The following EPHB2 variants were observed in gnomAD, a reference collection of about 807,000 sequenced individuals.
EPHB2 encodes EPH receptor B2, also known as ephrin type-B receptor 2.
A neutral mutation model predicts 96.4 loss-of-function variants in EPHB2; 18 were observed. The observed-to-expected ratio is 0.19, with a 90% CI of 0.13 to 0.28. The LOEUF is 0.28. Ranked by LOEUF, EPHB2 falls within the 10% of genes least tolerant of loss-of-function variation. EPHB2 has a pLI of 1.00. For synonymous variants in EPHB2, 506 were observed against 534.1 expected, an observed-to-expected ratio of 0.95 and a Z score of 0.72; for missense variants, 989 against 1,355.4, an observed-to-expected ratio of 0.73 and a Z score of 4.25.
chr1:22,869,354 G>A (rs902095649), intron 5 of EPHB2, among the ~76,000 whole-genome samples: 29 of 152,104 alleles, frequency 1.9e-4, no homozygotes, highest in African/African-American at 6.3e-4. Context: ...CTGCCCTTGA[G>A]GATGTATGTC....
chr1:22,738,357 T>C (rs1643867847), intron 1 of EPHB2, among the ~76,000 whole-genome samples: 3 of 152,232 alleles, frequency 2.0e-5, no homozygotes, highest in African/African-American at 7.2e-5. Context: ...GTAGTGATGA[T>C]AGTCATGAGA....
In EPHB2 at chr1:22,766,745, G is replaced by A. The variant is rs564653411; in HGVS notation, c.62-14676G>A. On this transcript the variant is annotated intron_variant, in intron 1 of 15. Coordinates refer to ENST00000374630, the MANE Select transcript of EPHB2 (RefSeq NM_017449.5). ...TGCGAGCCAGCGTGGTGAGATGCTT[G>A]AGGTTCCGGGTCCAATTTGCCCTTT... Among the ~76,000 whole-genome samples, 32 of 152,310 alleles carry A rather than the reference G, an allele frequency of 2.1e-4. No homozygotes were observed. In the East Asian group the frequency reaches 5.8e-3, roughly 28 times the overall value.
At chr1:22,764,179 C>T (rs1020370954) in intron 1 of EPHB2, among the ~76,000 whole-genome samples, 2 of 152,198 alleles carry the variant, frequency 1.3e-5, no homozygotes, top group Non-Finnish European at 2.9e-5. Flanking sequence ...GTCTGCTCAG[C>T]CTGGCCCGAG....
intron 1 of EPHB2, among the ~76,000 whole-genome samples, chr1:22,743,706 C>G (rs1643931606): frequency 6.6e-6 from 1 of 152,342 alleles, no homozygotes; most frequent in South Asian, 2.1e-4. Flanking sequence ...CTCCTGGCCT[C>G]AAGTGATCTC....
chr1:22,899,135 G>A (rs1310338027), intron 9 of EPHB2, among the ~76,000 whole-genome samples: 8 of 150,658 alleles, frequency 5.3e-5, no homozygotes, highest in African/African-American at 2.0e-4. Context: ...AGAGATTGTG[G>A]TGAGCCGAGA....
At chr1:22,776,301 A>T (rs1644452270) in intron 1 of EPHB2, among the ~76,000 whole-genome samples, 1 of 152,154 alleles carries the variant, frequency 6.6e-6, no homozygotes, top group African/African-American at 2.4e-5. Context: ...TTAAGCCTCC[A>T]TGCAGGCGTC....
chr1:22,761,643 C>T (rs899958843), intron 1 of EPHB2, among the ~76,000 whole-genome samples: 11 of 152,190 alleles, frequency 7.2e-5, no homozygotes, highest in African/African-American at 2.7e-4. Context: ...AGATAATTCC[C>T]TAGAGCTAAC....
chr1:22,719,197 A>G (rs914482882), intron 1 of EPHB2, among the ~76,000 whole-genome samples: 8 of 152,118 alleles, frequency 5.3e-5, no homozygotes, highest in Non-Finnish European at 1.2e-4. Flanking sequence ...TCCAAATACA[A>G]TAGCTCATCA....
chr1:22,882,320 C>T (rs1639074668), intron 5 of EPHB2, 39 bp from the exon 6 acceptor site: 1 of 1,611,076 alleles, frequency 6.2e-7, no homozygotes, highest in Admixed American at 1.7e-5. Context: ...TGCACCTTCT[C>T]ATGCCTCCCT....
At chr1:22,727,783 TAAAAAAAAAAAACAA>T (rs1643614294) in intron 1 of EPHB2, among the ~76,000 whole-genome samples, 1 of 124,306 alleles carries the variant, frequency 8.0e-6, no homozygotes, top group Non-Finnish European at 1.7e-5. Context: ...TTCTTTTCTT[TAAAAAAAAAAAACAA>T]AAAAAAAAAA....
chr1:22,861,842 G>T (rs1024106119), intron 3 of EPHB2, among the ~76,000 whole-genome samples: 1 of 152,232 alleles, frequency 6.6e-6, no homozygotes, highest in Non-Finnish European at 1.5e-5. Context: ...AGAAACTAAT[G>T]TCCAGAGAAG....
intron 3 of EPHB2, among the ~76,000 whole-genome samples, chr1:22,839,332 G>A (rs920358217): frequency 2.1e-4 from 32 of 152,162 alleles, no homozygotes; most frequent in Non-Finnish European, 1.3e-4. Flanking sequence ...TGGCCAGAAC[G>A]ATCTGTTCTG....
At chr1:22,814,386 G>A (rs1645043798) in intron 3 of EPHB2, among the ~76,000 whole-genome samples, 1 of 152,150 alleles carries the variant, frequency 6.6e-6, no homozygotes, top group Admixed American at 6.5e-5. Context: ...GACATTCAGG[G>A]TGCAGTGGGA....
chr1:22,901,943 A>G (rs1380422965), intron 9 of EPHB2, among the ~76,000 whole-genome samples: 1 of 152,034 alleles, frequency 6.6e-6, no homozygotes, highest in East Asian at 1.9e-4. Context: ...CTCCTGCCTC[A>G]GCCTCCCAGG....
chr1:22,874,312 G>A (rs1384928421), intron 5 of EPHB2, among the ~76,000 whole-genome samples: 1 of 152,200 alleles, frequency 6.6e-6, no homozygotes, highest in African/African-American at 2.4e-5. Context: ...AGGCTGCCCA[G>A]ACCACCTGCT....
chr1:22,757,907 G>GTT (rs1644176093), intron 1 of EPHB2, among the ~76,000 whole-genome samples: 2 of 92,812 alleles, frequency 2.2e-5, no homozygotes, highest in African/African-American at 8.9e-5. Flanking sequence ...TGTAAGCTAT[G>GTT]CTTTTTTTTT....
intron 1 of EPHB2, among the ~76,000 whole-genome samples, chr1:22,740,620 A>T (rs1013425182): frequency 1.3e-5 from 2 of 152,160 alleles, no homozygotes; most frequent in Admixed American, 6.5e-5. Flanking sequence ...CACTGGTCTC[A>T]CCAGGGCCTC....
intron 3 of EPHB2, among the ~76,000 whole-genome samples, chr1:22,856,025 C>A (rs934485211): frequency 6.6e-6 from 1 of 152,174 alleles, no homozygotes; most frequent in Non-Finnish European, 1.5e-5. Context: ...GCCCTCTGGT[C>A]TACAGAACCC....
intron 9 of EPHB2, 149 bp from the exon 10 acceptor site, chr1:22,905,838 A>G: frequency 8.3e-7 from 1 of 1,208,254 alleles, no homozygotes; most frequent in Non-Finnish European, 1.2e-6. Context: ...TAAGCCCCAG[A>G]GAGGTCAAGT....
Sources: gnomAD v4.1 joint callset for allele counts (sites outside exome capture counted in the v4.1 genomes callset) on GRCh38, gnomAD v4.1.1 for gene constraint, MANE v1.5 for transcripts, NCBI Gene and HGNC (gene_info 2026-07-23, HGNC 2026-07-21) for gene names.